The following PRKG1 variants were observed in gnomAD, a reference collection of about 807,000 sequenced individuals.
PRKG1 encodes cGMP-dependent protein kinase 1.
A neutral mutation model predicts 88.1 loss-of-function variants in PRKG1; 35 were observed. The ratio of observed to expected loss-of-function variants is 0.40; its 90% CI spans 0.30 to 0.53. The LOEUF is 0.53. Among genes scored for constraint, PRKG1 ranks in the 20% least tolerant of loss-of-function variants. The pLI, the probability that PRKG1 is intolerant of heterozygous loss-of-function variation, is 0.59. For synonymous variants in PRKG1, 303 were observed against 292.5 expected (o/e 1.04, Z -0.37); for missense variants, 540 against 839.8 (o/e 0.64, Z 4.41).
intron 5 of PRKG1, among the ~76,000 whole-genome samples, chr10:52,025,723 A>G (rs1299114279): frequency 9.9e-5 from 15 of 151,710 alleles, no homozygotes; most frequent in Admixed American, 3.3e-4. Flanking sequence ...TGTTTTGGTT[A>G]CTGTAGACTT....
chr10:51,490,390 C>T (rs531222584), intron 3 of PRKG1, among the ~76,000 whole-genome samples: 1 of 152,184 alleles, frequency 6.6e-6, no homozygotes, highest in South Asian at 2.1e-4. Flanking sequence ...TGAAAATTAT[C>T]TCATGCATAC....
intron 1 of PRKG1, among the ~76,000 whole-genome samples, chr10:51,115,835 C>CG (rs968000236): frequency 2.0e-4 from 9 of 45,632 alleles, no homozygotes; most frequent in Non-Finnish European, 2.7e-4. Flanking sequence ...GACTCCATCT[C>CG]GAAAAAAAAA....
At chr10:51,250,131 A>G (rs1045590441) in intron 2 of PRKG1, among the ~76,000 whole-genome samples, 3 of 151,636 alleles carry the variant, frequency 2.0e-5, no homozygotes, top group African/African-American at 4.8e-5. Context: ...TAACTCCCCA[A>G]CCTACCCTAA....
chr10:51,416,189 GA>G (rs373012906), intron 2 of PRKG1, among the ~76,000 whole-genome samples: 2 of 151,966 alleles, frequency 1.3e-5, no homozygotes, highest in Non-Finnish European at 2.9e-5. Flanking sequence ...AATGATTCCA[GA>G]AAAAAATTGT....
At chr10:51,447,447 A>G (rs1349687719) in intron 2 of PRKG1, among the ~76,000 whole-genome samples, 1 of 152,056 alleles carries the variant, frequency 6.6e-6, no homozygotes, top group African/African-American at 2.4e-5. Flanking sequence ...TCTTCAGTAG[A>G]TATATAAGAA....
At chr10:51,673,335 A>C (rs1034278695) in intron 3 of PRKG1, among the ~76,000 whole-genome samples, 11 of 152,192 alleles carry the variant, frequency 7.2e-5, no homozygotes, top group Non-Finnish European at 1.6e-4. Context: ...ACATGATAAG[A>C]TGTTCTTTGA....
intron 9 of PRKG1, among the ~76,000 whole-genome samples, chr10:52,236,601 C>G (rs1840693828): frequency 1.1e-5 from 1 of 92,720 alleles, no homozygotes; most frequent in East Asian, 4.1e-4. Context: ...CATACACTCT[C>G]CCAAGACTAA....
intron 7 of PRKG1, among the ~76,000 whole-genome samples, chr10:52,103,494 A>G (rs1564470002): frequency 6.6e-6 from 1 of 151,888 alleles, no homozygotes; most frequent in East Asian, 1.9e-4. Flanking sequence ...TAGTAACTAT[A>G]TTTTCTTTTC....
intron 7 of PRKG1, among the ~76,000 whole-genome samples, chr10:52,074,074 GT>G (rs1270131254): frequency 6.6e-6 from 1 of 152,158 alleles, no homozygotes; most frequent in East Asian, 1.9e-4. Context: ...TCTTGCTAAT[GT>G]TTTAGTGTGT....
chr10:52,166,787 C>CTATA (rs201538311), intron 9 of PRKG1, among the ~76,000 whole-genome samples: 1,976 of 12,416 alleles, frequency 0.16, 120 homozygotes, highest in African/African-American at 0.19. Flanking sequence ...ATAAAAAAGC[C>CTATA]TATATATATA....
intron 3 of PRKG1, among the ~76,000 whole-genome samples, chr10:51,538,490 C>A (rs1842220705): frequency 1.5e-5 from 1 of 64,834 alleles, no homozygotes; most frequent in Admixed American, 1.7e-4. Context: ...ATTATATATT[C>A]ATGATATTCT....
At chr10:51,220,839 G>T (rs1477351184) in intron 2 of PRKG1, among the ~76,000 whole-genome samples, 3 of 151,914 alleles carry the variant, frequency 2.0e-5, no homozygotes, top group Non-Finnish European at 4.4e-5. Flanking sequence ...TTGGAGAAGA[G>T]GGAATGAGGT....
chr10:51,431,516 T>C (rs1281865565), intron 2 of PRKG1, among the ~76,000 whole-genome samples: 1 of 152,186 alleles, frequency 6.6e-6, no homozygotes, highest in Admixed American at 6.5e-5. Flanking sequence ...ATTGGCTTGC[T>C]GGGTGAGAAT....
rs1243347243 is a variant in PRKG1, at chr10:52,289,023, AC to A, written c.1895+31del. Reference sequence around the variant, plus strand: ...GTGTTCTTTCTGCAGAGTTCTGAACACGTGACATCATTTCCCCAGGGTGTTG... The same window carrying A: ...GTGTTCTTTCTGCAGAGTTCTGAACAGTGACATCATTTCCCCAGGGTGTTG... On this transcript the variant is annotated intron_variant, in intron 16 of 17. Transcript: ENST00000373980. The A allele has an allele frequency of 2.6e-6, 4 of 1,566,352 alleles. No individual in the cohort carries two copies. The African/African-American group carries it at 5.5e-5, about 21-fold the overall frequency.
chr10:51,433,788 A>G (rs1838842120), intron 2 of PRKG1, among the ~76,000 whole-genome samples: 1 of 152,154 alleles, frequency 6.6e-6, no homozygotes, highest in Admixed American at 6.6e-5. Flanking sequence ...ATAACTTGGA[A>G]CAGAATATGC....
chr10:51,867,713 G>T (rs1231765985), intron 4 of PRKG1, among the ~76,000 whole-genome samples: 3 of 152,038 alleles, frequency 2.0e-5, no homozygotes, highest in Non-Finnish European at 4.4e-5. Flanking sequence ...AGACAAGAGG[G>T]GGAATTCTAG....
At chr10:52,264,650 T>C (rs1386779248) in intron 10 of PRKG1, among the ~76,000 whole-genome samples, 1 of 152,128 alleles carries the variant, frequency 6.6e-6, no homozygotes, top group East Asian at 1.9e-4. Flanking sequence ...CTATTTTATT[T>C]AGAGAAAATA....
At chr10:51,767,258 C>A (rs768989187) in intron 3 of PRKG1, among the ~76,000 whole-genome samples, 10 of 152,096 alleles carry the variant, frequency 6.6e-5, no homozygotes, top group Non-Finnish European at 1.3e-4. Context: ...CACTGAAATC[C>A]AACTCTCCCA....
At chr10:51,276,065 C>G (rs1461574800) in intron 2 of PRKG1, among the ~76,000 whole-genome samples, 1 of 151,858 alleles carries the variant, frequency 6.6e-6, no homozygotes, top group African/African-American at 2.4e-5. Flanking sequence ...GCTGCACCCA[C>G]TAACTCATCA....
Sources: gnomAD v4.1 joint callset for allele counts (sites outside exome capture counted in the v4.1 genomes callset) on GRCh38, gnomAD v4.1.1 for gene constraint, MANE v1.5 for transcripts, NCBI Gene and HGNC (gene_info 2026-07-23, HGNC 2026-07-21) for gene names.